Variants in IMMP2L observed in about 807,000 individuals in gnomAD.
IMMP2L encodes the protein inner mitochondrial membrane peptidase subunit 2.
A neutral mutation model predicts 19.3 loss-of-function variants in IMMP2L; 18 were observed. The ratio of observed to expected loss-of-function variants is 0.93; its 90% CI spans 0.64 to 1.38. IMMP2L has a LOEUF of 1.38. IMMP2L is among the 40% of genes most tolerant of loss of function. The pLI is 0.00. For missense variants in IMMP2L, 233 were observed against 218.2 expected (o/e 1.07, Z -0.43); for synonymous variants, 76 against 73.0 (o/e 1.04, Z -0.21).
intron 1 of IMMP2L, among the ~76,000 whole-genome samples, chr7:111,530,252 A>G (rs1847267716): frequency 6.6e-6 from 1 of 152,238 alleles, no homozygotes; most frequent in Non-Finnish European, 1.5e-5. Context: ...GCATTTGTGT[A>G]AAGAAAATGA....
chr7:111,442,974 C>T (rs924822100), intron 3 of IMMP2L, among the ~76,000 whole-genome samples: 1 of 151,824 alleles, frequency 6.6e-6, no homozygotes, highest in African/African-American at 2.4e-5. Context: ...GAACACAGGC[C>T]TCATACAACC....
At chr7:111,284,766 T>C (rs1296934992) in intron 3 of IMMP2L, among the ~76,000 whole-genome samples, 1 of 152,186 alleles carries the variant, frequency 6.6e-6, no homozygotes, top group African/African-American at 2.4e-5. Flanking sequence ...GACAATGTAC[T>C]CTGTGAGCAA....
At chr7:111,507,186 C>G (rs1844998164) in intron 2 of IMMP2L, among the ~76,000 whole-genome samples, 1 of 152,118 alleles carries the variant, frequency 6.6e-6, no homozygotes, top group African/African-American at 2.4e-5. Flanking sequence ...TGATCTCTAC[C>G]CGAGGCTATT....
chr7:111,073,790 C>T (rs1441911905), intron 3 of IMMP2L, among the ~76,000 whole-genome samples: 3 of 152,222 alleles, frequency 2.0e-5, no homozygotes, highest in Non-Finnish European at 2.9e-5. Context: ...TAGCAGAACT[C>T]TGCCACTCAG....
In IMMP2L at chr7:110,861,115, GAGAGAGAGAGAGAGACAGAGAC is replaced by G. The variant is rs140704926; in HGVS notation, c.408+25456_408+25477del. The stretch of plus-strand genomic sequence containing the variant: ...TGTGTGTGTGAGAGAGAGAGAGAGA[GAGAGAGAGAGAGAGACAGAGAC>G]AGAGAGACAGAGACAGAGAGACAGA... On this transcript the variant is annotated intron_variant, in intron 5 of 5. Coordinates refer to ENST00000405709, the MANE Select transcript of IMMP2L (RefSeq NM_032549.4). Among the ~76,000 whole-genome samples the G allele has an allele frequency of 4.2e-4, 62 of 148,944 alleles. 1 individual carries two copies. Among genetic ancestry groups the G allele is most frequent in the Admixed American group, 6.7e-4 (10 of 14,890 alleles).
chr7:110,731,582 A>C (rs1328179738), intron 5 of IMMP2L, among the ~76,000 whole-genome samples: 2 of 152,192 alleles, frequency 1.3e-5, no homozygotes, highest in East Asian at 3.8e-4. Context: ...AATGGTCCTG[A>C]ATCCTGAATT....
intron 2 of IMMP2L, 152 bp from the exon 3 acceptor site, chr7:111,487,493 G>A: frequency 2.0e-6 from 1 of 509,354 alleles, no homozygotes; most frequent in East Asian, 2.9e-5. Context: ...CAAATGATGA[G>A]TTTTCAAAAA....
chr7:110,735,927 T>G (rs1584661960), intron 5 of IMMP2L, among the ~76,000 whole-genome samples: 1 of 144,210 alleles, frequency 6.9e-6, no homozygotes, highest in African/African-American at 2.5e-5. Flanking sequence ...GCCACTCTCA[T>G]CATAGGCCCA....
intron 3 of IMMP2L, among the ~76,000 whole-genome samples, chr7:111,183,870 T>C (rs1251023684): frequency 6.6e-6 from 1 of 152,086 alleles, no homozygotes; most frequent in Admixed American, 6.6e-5. Flanking sequence ...CTCTGGAATT[T>C]AACTGATAAC....
At chr7:110,774,474 AC>A (rs945592448) in intron 5 of IMMP2L, among the ~76,000 whole-genome samples, 50 of 152,006 alleles carry the variant, frequency 3.3e-4, no homozygotes, top group African/African-American at 1.2e-3. Flanking sequence ...GAAACAAAAA[AC>A]CCTTCACATA....
intron 3 of IMMP2L, among the ~76,000 whole-genome samples, chr7:111,287,209 C>T (rs527342879): frequency 2.8e-4 from 42 of 152,280 alleles, no homozygotes; most frequent in Non-Finnish European, 4.6e-4. Flanking sequence ...AACAACCTTA[C>T]TTTTCTCTAC....
intron 5 of IMMP2L, among the ~76,000 whole-genome samples, chr7:110,867,949 C>A (rs1352638145): frequency 6.6e-6 from 1 of 151,966 alleles, no homozygotes; most frequent in African/African-American, 2.4e-5. Context: ...TTGTCACCCC[C>A]AGAGGTCCCC....
chr7:111,074,941 G>A (rs1160311283), intron 3 of IMMP2L, among the ~76,000 whole-genome samples: 1 of 152,070 alleles, frequency 6.6e-6, no homozygotes, highest in Non-Finnish European at 1.5e-5. Context: ...GCAAGTGACT[G>A]ATAAGAACCA....
intron 5 of IMMP2L, among the ~76,000 whole-genome samples, chr7:110,785,387 A>C (rs184061424): frequency 6.6e-6 from 1 of 152,074 alleles, no homozygotes; most frequent in East Asian, 1.9e-4. Context: ...GGATTTAAAA[A>C]TGGTTCTGGT....
At chr7:110,882,356 CCT>C (rs370206224) in intron 5 of IMMP2L, among the ~76,000 whole-genome samples, 34 of 124,776 alleles carry the variant, frequency 2.7e-4, no homozygotes, top group South Asian at 1.6e-3. Context: ...TTCCTCTCTC[CCT>C]CTCTCTCTCT....
chr7:111,196,776 T>C (rs1170924850), intron 3 of IMMP2L, among the ~76,000 whole-genome samples: 2 of 152,232 alleles, frequency 1.3e-5, no homozygotes, highest in Non-Finnish European at 2.9e-5. Context: ...TTGTTGTTTA[T>C]ATATCCATAT....
intron 3 of IMMP2L, among the ~76,000 whole-genome samples, chr7:111,409,811 G>A (rs1200775609): frequency 6.6e-6 from 1 of 151,646 alleles, no homozygotes; most frequent in East Asian, 1.9e-4. Flanking sequence ...AATATATAAA[G>A]CTATTTCAGA....
intron 3 of IMMP2L, among the ~76,000 whole-genome samples, chr7:111,429,717 A>T (rs1433957308): frequency 6.6e-6 from 1 of 151,850 alleles, no homozygotes; most frequent in Non-Finnish European, 1.5e-5. Context: ...CCACAACTAA[A>T]TTTTGCCTTT....
chr7:110,663,209 C>A lies in IMMP2L; in HGVS notation c.*393G>T. On this transcript the variant is annotated 3_prime_UTR_variant, in exon 6 of 6. Transcript: ENST00000405709. ...CCTTAACAGCAAGTGACAAATACAT[C>A]ATTTTTATTGAATATTAATTTTCAA... is the stretch of plus-strand genomic sequence containing the variant. 4 of 196,578 alleles carry A rather than the reference C, an allele frequency of 2.0e-5. No homozygotes were observed. The South Asian group carries it at 3.2e-4, about 16-fold the overall frequency. 12.2% of individuals were successfully genotyped at this position (196,578 alleles called of 1,614,324 possible).
Sources: allele counts gnomAD v4.1 joint callset (sites outside exome capture counted in the v4.1 genomes callset), GRCh38; gene constraint gnomAD v4.1.1; transcripts MANE v1.5; gene names NCBI Gene and HGNC (gene_info 2026-07-23, HGNC 2026-07-21).